The following SLC25A48 variants were observed in gnomAD, a reference collection of about 807,000 sequenced individuals.
The protein encoded by SLC25A48 is solute carrier family 25 member 48.
In SLC25A48, 29 loss-of-function variants were observed where a neutral mutation model predicts 32.2. The observed-to-expected ratio is 0.90, with a 90% CI of 0.67 to 1.23. The LOEUF (loss-of-function observed/expected upper bound fraction) is 1.23. Among genes scored for constraint, SLC25A48 ranks in the 50% most tolerant of loss-of-function variants. The probability of loss-of-function intolerance (pLI) is 0.00; values close to 1 mark genes in which losing one functional copy is unlikely to be tolerated. For synonymous variants in SLC25A48, 164 were observed against 172.3 expected, an observed-to-expected ratio of 0.95 and a Z score of 0.38; for missense variants, 399 against 422.7, an observed-to-expected ratio of 0.94 and a Z score of 0.49.
chr5:135,798,497 A>G (rs1393330472), intron 3 of SLC25A48, among the ~76,000 whole-genome samples: 1 of 151,476 alleles, frequency 6.6e-6, no homozygotes, highest in Admixed American at 6.6e-5. Flanking sequence ...TATATTTACT[A>G]ATAACCGGGG....
intron 7 of SLC25A48, among the ~76,000 whole-genome samples, chr5:135,887,749 T>C: frequency 6.6e-6 from 1 of 151,142 alleles, no homozygotes; most frequent in East Asian, 1.9e-4. Flanking sequence ...TCCCCTTGGG[T>C]TCCAGTTTCA....
intron 3 of SLC25A48, among the ~76,000 whole-genome samples, chr5:135,694,261 C>T (rs921810024): frequency 6.6e-5 from 10 of 152,162 alleles, no homozygotes; most frequent in Admixed American, 2.0e-4. Context: ...CCGCTGAGTA[C>T]ACAGATGTGT....
chr5:135,883,186 C>A (rs1762595432), intron 7 of SLC25A48: 1 of 985,490 alleles, frequency 1.0e-6, no homozygotes, highest in African/African-American at 1.7e-5. Context: ...AGAACCTCTT[C>A]CTTCCTTCAC....
intron 2 of SLC25A48, among the ~76,000 whole-genome samples, chr5:135,845,517 C>A (rs1759334801): frequency 6.6e-6 from 1 of 152,262 alleles, no homozygotes; most frequent in South Asian, 2.1e-4. Flanking sequence ...CTCAACAGAC[C>A]CTGTCCACCA....
At chr5:135,819,032 A>G (rs1757811154) in intron 4 of SLC25A48, among the ~76,000 whole-genome samples, 2 of 152,134 alleles carry the variant, frequency 1.3e-5, no homozygotes, top group South Asian at 2.1e-4. Flanking sequence ...CACAATCTGA[A>G]GGACACAGAG....
At chr5:135,592,683 C>T (rs1031079814) in intron 1 of SLC25A48, among the ~76,000 whole-genome samples, 2 of 151,796 alleles carry the variant, frequency 1.3e-5, no homozygotes, top group African/African-American at 4.9e-5. Flanking sequence ...GAGAGAGAGA[C>T]AGTGAGAGAG....
intron 3 of SLC25A48, among the ~76,000 whole-genome samples, chr5:135,757,606 T>G (rs924965748): frequency 1.3e-5 from 2 of 149,510 alleles, no homozygotes; most frequent in African/African-American, 4.9e-5. Context: ...AAATATCTTC[T>G]AGATGATATT....
At chr5:135,791,534 T>C (rs1422728819) in intron 3 of SLC25A48, among the ~76,000 whole-genome samples, 1 of 151,634 alleles carries the variant, frequency 6.6e-6, no homozygotes, top group African/African-American at 2.4e-5. Context: ...AGTGATATCA[T>C]TCATAATATC....
chr5:135,648,464 A>T (rs1753023816), intron 3 of SLC25A48: 1 of 152,240 alleles, frequency 6.6e-6, no homozygotes. Context: ...CTAGAACCAC[A>T]TGCCCTCAGA....
intron 3 of SLC25A48, among the ~76,000 whole-genome samples, chr5:135,738,548 G>A (rs1195043272): frequency 6.6e-6 from 1 of 152,208 alleles, no homozygotes; most frequent in Admixed American, 6.5e-5. Flanking sequence ...CCCCTGATGA[G>A]GAGGATAGGT....
At chr5:135,796,246 G>C (rs145724541) in intron 3 of SLC25A48, among the ~76,000 whole-genome samples, 1 of 151,424 alleles carries the variant, frequency 6.6e-6, no homozygotes, top group Admixed American at 6.6e-5. Flanking sequence ...ATCACGGGGG[G>C]AGTACATCAC....
At chr5:135,598,193 C>G (rs747891187) in intron 1 of SLC25A48, among the ~76,000 whole-genome samples, 1 of 152,184 alleles carries the variant, frequency 6.6e-6, no homozygotes, top group African/African-American at 2.4e-5. Flanking sequence ...GTTATGTTGG[C>G]TTTCCTGGGC....
chr5:135,822,072 C>G (rs1757903963), intron 4 of SLC25A48: 1 of 152,254 alleles, frequency 6.6e-6, no homozygotes, highest in Non-Finnish European at 1.5e-5. Context: ...AAAGAATGAG[C>G]TGTGGGAGGG....
chr5:135,853,710 G>T (rs976238554), intron 4 of SLC25A48, among the ~76,000 whole-genome samples: 1 of 152,052 alleles, frequency 6.6e-6, no homozygotes. Context: ...GTGAGGGTTG[G>T]GGTTAACTAC....
intron 3 of SLC25A48, among the ~76,000 whole-genome samples, chr5:135,765,148 G>T (rs1260931240): frequency 1.3e-5 from 2 of 151,652 alleles, no homozygotes; most frequent in Non-Finnish European, 2.9e-5. Context: ...ATCCAAAGGG[G>T]AGATGGTGAT....
chr5:135,599,824 A>G (rs1751744915), intron 1 of SLC25A48, among the ~76,000 whole-genome samples: 1 of 152,202 alleles, frequency 6.6e-6, no homozygotes, highest in Non-Finnish European at 1.5e-5. Context: ...GAGCAGCCTC[A>G]GTTCTGGCCT....
chr5:135,822,714 G>C (rs1757923932), intron 4 of SLC25A48, among the ~76,000 whole-genome samples: 1 of 152,202 alleles, frequency 6.6e-6, no homozygotes, highest in Non-Finnish European at 1.5e-5. Flanking sequence ...CTTAAGACTT[G>C]AACATGTCCT....
intron 3 of SLC25A48, among the ~76,000 whole-genome samples, chr5:135,704,674 G>T (rs1580799583): frequency 6.6e-6 from 1 of 152,144 alleles, no homozygotes; most frequent in Admixed American, 6.5e-5. Flanking sequence ...AGTCTTGGGG[G>T]TAGATATTAT....
At chr5:135,622,797 A>T (rs1752355325) in intron 1 of SLC25A48, among the ~76,000 whole-genome samples, 1 of 152,262 alleles carries the variant, frequency 6.6e-6, no homozygotes. Flanking sequence ...ATAATAAAAC[A>T]GATGAGACTG....
Sources: gnomAD v4.1 joint callset for allele counts (sites outside exome capture counted in the v4.1 genomes callset) on GRCh38, gnomAD v4.1.1 for gene constraint, MANE v1.5 for transcripts, NCBI Gene and HGNC (gene_info 2026-07-23, HGNC 2026-07-21) for gene names.